Variants in DYNC2I1 observed in about 807,000 individuals in gnomAD.
The protein encoded by DYNC2I1 is cytoplasmic dynein 2 intermediate chain 1.
DYNC2I1 carries 89 observed loss-of-function variants against 133.4 expected under a neutral mutation model. That is an observed-to-expected ratio of 0.67 (90% CI 0.56 to 0.80). The LOEUF is 0.80. Ranked by LOEUF, DYNC2I1 falls within the 30% of genes least tolerant of loss-of-function variation. The pLI, the probability that DYNC2I1 is intolerant of heterozygous loss-of-function variation, is 0.00. For synonymous variants in DYNC2I1, 504 were observed against 484.3 expected, an observed-to-expected ratio of 1.04 and a Z score of -0.54; for missense variants, 1,291 against 1,314.5, an observed-to-expected ratio of 0.98 and a Z score of 0.28.
intron 13 of DYNC2I1, 64 bp from the exon 14 acceptor site, chr7:158,914,166 TAAG>T: frequency 7.5e-7 from 1 of 1,341,982 alleles, no homozygotes. Flanking sequence ...TTTGAACTCT[TAAG>T]ATGTGTAATG....
rs1356788208 is a variant in DYNC2I1 at position 158,913,042 on chromosome 7, G to C, written c.1648G>C (p.Glu550Gln). The C allele has an allele frequency of 6.2e-7, 1 of 1,613,516 alleles. No homozygotes were observed. The highest frequency in any genetic ancestry group is 2.2e-5 in the East Asian group (1 of 44,874). ...VERDIQTEEI[E>Q]TREVWTQHPG... ...AAGAGACATTCAAACGGAGGAAATA[G>C]AGACCAGGGAAGTGTGGACCCAGCA... Residue 550 changes from glutamate (E) to glutamine (Q), a missense_variant, in exon 13 of 25, where the codon GAG (glutamate) becomes CAG (glutamine). Coordinates refer to ENST00000407559, the MANE Select transcript of DYNC2I1 (RefSeq NM_018051.5).
chr7:158,911,789 G>A lies in DYNC2I1; in HGVS notation c.1590+110G>A, dbSNP rs562902897. On this transcript the variant is annotated intron_variant, in intron 12 of 24. Coordinates refer to ENST00000407559, the MANE Select transcript of DYNC2I1 (RefSeq NM_018051.5). ...CAATATTAGAACTTGGGGATGGTCT[G>A]TGAAGGATACAAGCTTAGGGAAAAT... The A allele has an allele frequency of 3.3e-5, 44 of 1,350,224 alleles. 1 individual carries two copies. In the South Asian group the frequency reaches 5.0e-4, roughly 15 times the overall value. The allele number at this position is 1,350,224 out of a possible 1,614,324, so 83.6% of individuals were successfully genotyped here. A position where few individuals can be genotyped will look rare whatever the true frequency, so the allele number is the denominator to read the frequency against.
At chr7:158,917,760 T>G (rs1848620895) in intron 14 of DYNC2I1, among the ~76,000 whole-genome samples, 1 of 151,050 alleles carries the variant, frequency 6.6e-6, no homozygotes, top group Non-Finnish European at 1.5e-5. Context: ...TTCTTGCCCG[T>G]TCCCATCCTG....
intron 5 of DYNC2I1, among the ~76,000 whole-genome samples, chr7:158,880,917 A>T (rs887423594): frequency 2.0e-5 from 3 of 152,178 alleles, no homozygotes; most frequent in African/African-American, 7.2e-5. Context: ...TGCAAGAGTC[A>T]GGTGGTATCT....
At chr7:158,914,787 C>T (rs1847848931) in intron 14 of DYNC2I1, among the ~76,000 whole-genome samples, 1 of 152,202 alleles carries the variant, frequency 6.6e-6, no homozygotes, top group Non-Finnish European at 1.5e-5. Context: ...TGGGTCTCGT[C>T]TGACCCCCCT....
At chr7:158,953,069 C>T (rs1852102360) in intron 4 of DYNC2I1, among the ~76,000 whole-genome samples, 1 of 152,210 alleles carries the variant, frequency 6.6e-6, no homozygotes, top group African/African-American at 2.4e-5. Flanking sequence ...CGCCCTGTGG[C>T]CAGACAGACC....
chr7:158,906,952 G>T (rs966367733), intron 11 of DYNC2I1, among the ~76,000 whole-genome samples: 9 of 152,132 alleles, frequency 5.9e-5, no homozygotes, highest in Non-Finnish European at 8.8e-5. Flanking sequence ...CCTGAGCAAG[G>T]AGGAGTTCAA....
downstream of DYNC2I1, among the ~76,000 whole-genome samples, chr7:158,946,592 C>T (rs1261545536): frequency 6.6e-6 from 1 of 152,266 alleles, no homozygotes; most frequent in Non-Finnish European, 1.5e-5. Flanking sequence ...AGCACCGATC[C>T]ATTCACTAGG....
chr7:158,927,190 C>T (rs1441535639), intron 20 of DYNC2I1, 147 bp downstream of exon 20: 6 of 605,364 alleles, frequency 9.9e-6, no homozygotes, highest in African/African-American at 1.9e-5. Context: ...TTGCTTGAGC[C>T]CAGGAGTTCC....
chr7:158,862,954 C>T (rs563526767), intron 1 of DYNC2I1, among the ~76,000 whole-genome samples: 100 of 152,068 alleles, frequency 6.6e-4, no homozygotes, highest in African/African-American at 2.2e-3. Flanking sequence ...TTCATGGTCT[C>T]GCTGACTTCA....
intron 7 of DYNC2I1, among the ~76,000 whole-genome samples, chr7:158,888,173 C>T (rs1029922054): frequency 6.6e-5 from 10 of 151,416 alleles, no homozygotes; most frequent in East Asian, 2.0e-4. Flanking sequence ...TATAGGCATG[C>T]GCCACCATGC....
At chr7:158,865,596 C>T (rs892283346) in intron 1 of DYNC2I1, among the ~76,000 whole-genome samples, 2 of 152,140 alleles carry the variant, frequency 1.3e-5, no homozygotes, top group South Asian at 2.1e-4. Flanking sequence ...AGTGCGTGGG[C>T]TGAATCATGC....
At chr7:158,888,865 G>A (rs1387931377) in intron 7 of DYNC2I1, among the ~76,000 whole-genome samples, 3 of 152,098 alleles carry the variant, frequency 2.0e-5, no homozygotes, top group Non-Finnish European at 4.4e-5. Flanking sequence ...GTTTTGACGT[G>A]GATGTTTTAT....
Position 158,871,561 on chromosome 7 carries a change from A to G in DYNC2I1, c.489A>G (p.Ser163=). Residue 163 remains serine (S), a splice_region_variant and synonymous_variant, in exon 3 of 25, where the codon TCA becomes TCG. Transcript: ENST00000407559. ...LLERAERKGR[S]VSKVRSEEKD... ...AGCGGGCGGAGAGGAAAGGCCGCTCAGGTGGGTCCCCGCTTGCCTTCCTGT... is the reference window on the plus strand; with the variant it reads ...AGCGGGCGGAGAGGAAAGGCCGCTCGGGTGGGTCCCCGCTTGCCTTCCTGT... 1 of 1,531,988 alleles carries G rather than the reference A, an allele frequency of 6.5e-7. No individual in the cohort carries two copies. Among genetic ancestry groups the G allele is most frequent in the Non-Finnish European group, 8.7e-7 (1 of 1,143,988 alleles). The allele number at this position is 1,531,988 out of a possible 1,614,324, so 94.9% of individuals were successfully genotyped here.
At chr7:158,894,202 C>T (rs1346682504) in intron 8 of DYNC2I1, among the ~76,000 whole-genome samples, 2 of 151,756 alleles carry the variant, frequency 1.3e-5, no homozygotes, top group African/African-American at 4.8e-5. Flanking sequence ...ACATATCATA[C>T]CGTATATCAT....
chr7:158,887,105 AT>A (rs746791768), intron 7 of DYNC2I1, 30 bp downstream of exon 7: 12 of 1,601,464 alleles, frequency 7.5e-6, no homozygotes, highest in African/African-American at 1.3e-5. Context: ...GAATACATTG[AT>A]TTTATGGTAC....
chr7:158,852,567 C>T (rs1387371930), upstream of DYNC2I1, among the ~76,000 whole-genome samples: 3 of 151,540 alleles, frequency 2.0e-5, no homozygotes, highest in Non-Finnish European at 2.9e-5. Context: ...GGTGAAACCC[C>T]GTGTCTACCA....
rs527424586 is a variant in DYNC2I1 at position 158,915,886 on chromosome 7, T to C, written c.1791+1565T>C. Among the ~76,000 whole-genome samples, 158 of 147,138 alleles carry C rather than the reference T, an allele frequency of 1.1e-3. 2 individuals are homozygous for C. The highest frequency in any genetic ancestry group is 3.4e-3 in the African/African-American group (132 of 39,248). On this transcript the variant is annotated intron_variant, in intron 14 of 24. Transcript: ENST00000407559. ...TGATTGTGAAACGTCGACACGCTGGTTGAGATTAAGGATGATTGTGAAACG... is the reference window on the plus strand; with the variant it reads ...TGATTGTGAAACGTCGACACGCTGGCTGAGATTAAGGATGATTGTGAAACG...
At chr7:158,870,318 CAT>C (rs1842770842) in intron 2 of DYNC2I1, among the ~76,000 whole-genome samples, 1 of 152,080 alleles carries the variant, frequency 6.6e-6, no homozygotes, top group South Asian at 2.1e-4. Context: ...TCTTTTAACA[CAT>C]GTAGTATTTT....
Sources: gnomAD v4.1 joint callset for allele counts (sites outside exome capture counted in the v4.1 genomes callset) on GRCh38, gnomAD v4.1.1 for gene constraint, MANE v1.5 for transcripts, NCBI Gene and HGNC (gene_info 2026-07-23, HGNC 2026-07-21) for gene names.